Variants in NFIA observed in about 807,000 individuals in gnomAD.
The protein encoded by NFIA is nuclear factor 1 A-type.
Under a neutral mutation model 62.8 loss-of-function variants are expected in NFIA, and 8 were observed. The observed-to-expected ratio is 0.13, with a 90% confidence interval of 0.07 to 0.23. The LOEUF (loss-of-function observed/expected upper bound fraction) is 0.23, where lower values mean the gene tolerates loss of function less well. Among genes scored for constraint, NFIA ranks in the 10% least tolerant of loss-of-function variants. The probability of loss-of-function intolerance (pLI) is 1.00; values close to 1 mark genes in which losing one functional copy is unlikely to be tolerated. For synonymous variants in NFIA, 235 were observed against 238.1 expected, an observed-to-expected ratio of 0.99 and a Z score of 0.12; for missense variants, 410 against 642.1, an observed-to-expected ratio of 0.64 and a Z score of 3.91.
chr1:61,357,641 G>A (rs1663035255), intron 5 of NFIA, among the ~76,000 whole-genome samples: 1 of 152,064 alleles, frequency 6.6e-6, no homozygotes, highest in South Asian at 2.1e-4. Flanking sequence ...CCTGTGTGTG[G>A]TTCCATCATA....
intron 2 of NFIA, among the ~76,000 whole-genome samples, chr1:61,097,188 A>G (rs1036836955): frequency 2.6e-5 from 4 of 152,116 alleles, no homozygotes; most frequent in Non-Finnish European, 5.9e-5. Context: ...CCTATTGTCA[A>G]CTGTATCTAG....
At chr1:61,246,822 C>T (rs1025015283) in intron 2 of NFIA, among the ~76,000 whole-genome samples, 1 of 152,072 alleles carries the variant, frequency 6.6e-6, no homozygotes, top group Non-Finnish European at 1.5e-5. Flanking sequence ...CTCACTGGTT[C>T]GTCTGTAGTT....
chr1:61,185,635 CTTTTTTTT>C (rs755426214), intron 2 of NFIA, among the ~76,000 whole-genome samples: 1 of 130,672 alleles, frequency 7.7e-6, no homozygotes, highest in Non-Finnish European at 1.6e-5. Flanking sequence ...TCTAACCCCA[CTTTTTTTT>C]TTTTTTTTTT....
At chr1:61,326,831 A>C (rs924330732) in intron 3 of NFIA, among the ~76,000 whole-genome samples, 1 of 152,100 alleles carries the variant, frequency 6.6e-6, no homozygotes, top group Non-Finnish European at 1.5e-5. Context: ...CAGATGTTTC[A>C]GGAAGAAGGA....
chr1:61,438,161 C>T (rs1667416448), intron 10 of NFIA, among the ~76,000 whole-genome samples: 1 of 152,146 alleles, frequency 6.6e-6, no homozygotes, highest in Admixed American at 6.5e-5. Context: ...GGGAGACAGA[C>T]CTGAGTTTGA....
chr1:61,104,349 C>A (rs747268874), intron 2 of NFIA, among the ~76,000 whole-genome samples: 1 of 152,002 alleles, frequency 6.6e-6, no homozygotes, highest in Non-Finnish European at 1.5e-5. Flanking sequence ...TTACTTAATC[C>A]TAAGCTCTGA....
intron 6 of NFIA, among the ~76,000 whole-genome samples, chr1:61,379,795 C>T (rs1324550208): frequency 6.6e-6 from 1 of 152,096 alleles, no homozygotes; most frequent in Non-Finnish European, 1.5e-5. Flanking sequence ...TGAAGCAATC[C>T]TCCTGTCTCA....
intron 2 of NFIA, among the ~76,000 whole-genome samples, chr1:61,147,172 A>G (rs1648070228): frequency 6.7e-6 from 1 of 150,192 alleles, no homozygotes; most frequent in South Asian, 2.1e-4. Flanking sequence ...TTTTTTTGAG[A>G]TGGCGTCTTG....
chr1:61,233,023 GC>G (rs1654772685), intron 2 of NFIA, among the ~76,000 whole-genome samples: 1 of 151,976 alleles, frequency 6.6e-6, no homozygotes, highest in African/African-American at 2.4e-5. Context: ...TAAATTCTAA[GC>G]TCCTAGAGTG....
intron 7 of NFIA, among the ~76,000 whole-genome samples, chr1:61,397,366 G>T (rs1329813953): frequency 6.6e-6 from 1 of 152,094 alleles, no homozygotes; most frequent in Non-Finnish European, 1.5e-5. Context: ...TCATATCCAT[G>T]CTGATAGTAT....
chr1:61,277,738 T>C (rs1657896247), intron 3 of NFIA, among the ~76,000 whole-genome samples, 153 bp downstream of exon 3: 1 of 152,104 alleles, frequency 6.6e-6, no homozygotes, highest in East Asian at 1.9e-4. Flanking sequence ...TTACTTTTAA[T>C]AGGGCAGCTT....
intron 2 of NFIA, among the ~76,000 whole-genome samples, chr1:61,172,855 G>C (rs1215338204): frequency 6.6e-6 from 1 of 152,138 alleles, no homozygotes; most frequent in Non-Finnish European, 1.5e-5. Context: ...CGACAATCTA[G>C]CTACACAGGG....
chr1:61,238,855 A>G (rs1570433715), intron 2 of NFIA, among the ~76,000 whole-genome samples: 1 of 152,160 alleles, frequency 6.6e-6, no homozygotes, highest in Non-Finnish European at 1.5e-5. Flanking sequence ...GATAGCTGTC[A>G]CAGCTCTCCT....
rs149738417 is a variant in NFIA at position 61,166,285 on chromosome 1, A to T, written c.559+77605A>T. Among the ~76,000 whole-genome samples the T allele has an allele frequency of 2.0e-5, 3 of 152,324 alleles. No individual in the cohort carries two copies. The East Asian group carries it at 5.8e-4, about 29-fold the overall frequency. ...ATTGCTGTCTTTAATCTTCATCCCA[A>T]TCTTATAAATTAGCTTTTGTTACCA... On this transcript the variant is annotated intron_variant, in intron 2 of 10. Transcript: ENST00000403491.
At chr1:61,187,728 G>A (rs1339510944) in intron 2 of NFIA, among the ~76,000 whole-genome samples, 2 of 152,218 alleles carry the variant, frequency 1.3e-5, no homozygotes, top group African/African-American at 2.4e-5. Flanking sequence ...TTTTTAAAAA[G>A]CATTTAATGT....
chr1:61,138,778 C>T (rs1210265967), intron 2 of NFIA, among the ~76,000 whole-genome samples: 1 of 150,786 alleles, frequency 6.6e-6, no homozygotes, highest in East Asian at 2.1e-4. Context: ...GACATGGTTT[C>T]ACCATGTTGG....
At chr1:61,256,309 G>A (rs1204177865) in intron 2 of NFIA, among the ~76,000 whole-genome samples, 3 of 151,840 alleles carry the variant, frequency 2.0e-5, no homozygotes, top group Non-Finnish European at 4.4e-5. Context: ...GGTGGTGCGT[G>A]CCTGTAATCC....
rs150310849 is a variant in NFIA, at chr1:61,163,160, G to T, written c.559+74480G>T. On this transcript the variant is annotated intron_variant, in intron 2 of 10. Transcript: ENST00000403491. ...AAGACTTATACTAATGGGCATTAAAGATCAAATACTTGACATAATATTCAT... is the reference window on the plus strand; with the variant it reads ...AAGACTTATACTAATGGGCATTAAATATCAAATACTTGACATAATATTCAT... Among the ~76,000 whole-genome samples, 1,393 of 152,268 alleles carry T rather than the reference G, an allele frequency of 9.1e-3. 24 individuals carry two copies. Among genetic ancestry groups the T allele is most frequent in the African/African-American group, 0.031 (1,305 of 41,532 alleles).
chr1:61,446,660 A>G (rs775337561), intron 10 of NFIA, among the ~76,000 whole-genome samples: 2 of 152,184 alleles, frequency 1.3e-5, no homozygotes, highest in Non-Finnish European at 2.9e-5. Context: ...TGGTTTGGGA[A>G]TTCATTTCTG....
Sources: allele counts gnomAD v4.1 joint callset (sites outside exome capture counted in the v4.1 genomes callset), GRCh38; gene constraint gnomAD v4.1.1; transcripts MANE v1.5; gene names NCBI Gene and HGNC (gene_info 2026-07-23, HGNC 2026-07-21).